The following TBCK variants were observed in gnomAD, a reference collection of about 807,000 sequenced individuals.
TBCK encodes the protein TBC1 domain containing kinase, also known as TBC domain-containing protein kinase-like protein.
Under a neutral mutation model 113.4 loss-of-function variants are expected in TBCK, and 99 were observed. The ratio of observed to expected loss-of-function variants is 0.87; its 90% CI spans 0.74 to 1.03. The LOEUF (loss-of-function observed/expected upper bound fraction) is 1.03. TBCK is among the 50% of genes least tolerant of loss of function. The pLI is 0.00. For synonymous variants in TBCK, 369 were observed against 370.8 expected, an observed-to-expected ratio of 1.00 and a Z score of 0.05; for missense variants, 1,045 against 1,061.3, an observed-to-expected ratio of 0.98 and a Z score of 0.21.
intron 23 of TBCK, among the ~76,000 whole-genome samples, chr4:106,166,721 T>C (rs1750412121): frequency 6.6e-6 from 1 of 151,764 alleles, no homozygotes; most frequent in Admixed American, 6.6e-5. Flanking sequence ...GTATGTCTTT[T>C]TGTTAGTGAC....
At chr4:106,062,710 T>C (rs1736186744) in intron 25 of TBCK, among the ~76,000 whole-genome samples, 1 of 151,800 alleles carries the variant, frequency 6.6e-6, no homozygotes, top group African/African-American at 2.4e-5. Flanking sequence ...AGGGTGGGTA[T>C]GTAGAATAAC....
intron 23 of TBCK, among the ~76,000 whole-genome samples, chr4:106,126,798 T>C (rs1467589282): frequency 6.6e-6 from 1 of 152,202 alleles, no homozygotes; most frequent in African/African-American, 2.4e-5. Flanking sequence ...TAAAGAACAC[T>C]AAAATGTATG....
At position 106,045,783 on chromosome 4, in the gene TBCK, T is replaced by G. The variant is rs1734166581; in HGVS notation, c.*787A>C. 6.6e-6 allele frequency: 1 copy of G among 152,216 alleles called. No homozygotes were observed. Among genetic ancestry groups the G allele is most frequent in the Non-Finnish European group, 1.5e-5 (1 of 68,056 alleles). 9.4% of individuals were successfully genotyped at this position (152,216 alleles called of 1,614,324 possible). A position where few individuals can be genotyped will look rare whatever the true frequency, so the allele number is the denominator to read the frequency against. ...TGATGGTAGAAGCTGAGGAGCCATT[T>G]TCATCCATGAGATGGATGCCACATA... On this transcript the variant is annotated 3_prime_UTR_variant, in exon 26 of 26. Coordinates refer to ENST00000394708, the MANE Select transcript of TBCK (RefSeq NM_001163435.3).
In TBCK at chr4:106,305,180, T is replaced by A. The variant is rs144522481; in HGVS notation, c.193+3588A>T. On this transcript the variant is annotated intron_variant, in intron 2 of 25. Coordinates refer to ENST00000394708, the MANE Select transcript of TBCK (RefSeq NM_001163435.3). ...TTTACATCTTCACCTTGATTATTTT[T>A]CTTTCATGTACTATATATAAAATAC... Among the ~76,000 whole-genome samples, 863 of 152,298 alleles carry A rather than the reference T, an allele frequency of 5.7e-3. 9 individuals carry two copies. Among genetic ancestry groups the A allele is most frequent in the African/African-American group, 0.02 (833 of 41,568 alleles).
chr4:106,268,070 T>C (rs1763148246), intron 3 of TBCK, among the ~76,000 whole-genome samples: 1 of 152,066 alleles, frequency 6.6e-6, no homozygotes, highest in Non-Finnish European at 1.5e-5. Context: ...TCCTCATTCC[T>C]GAGGACCCAC....
intron 25 of TBCK, among the ~76,000 whole-genome samples, chr4:106,065,701 T>C (rs865867553): frequency 2.0e-5 from 3 of 152,052 alleles, no homozygotes; most frequent in Admixed American, 1.3e-4. Flanking sequence ...TAATATAGCT[T>C]TGCTTACAGC....
At chr4:106,232,846 C>A in intron 17 of TBCK, 92 bp downstream of exon 17, 2 of 1,264,922 alleles carry the variant, frequency 1.6e-6, no homozygotes, top group South Asian at 1.6e-5. Context: ...TCCCCAAAGA[C>A]AAGGATGTTT....
At chr4:106,103,893 A>G (rs1426264363) in intron 24 of TBCK, among the ~76,000 whole-genome samples, 1 of 152,210 alleles carries the variant, frequency 6.6e-6, no homozygotes, top group African/African-American at 2.4e-5. Context: ...ACCTGGGAAT[A>G]ACATGGAACC....
intron 23 of TBCK, among the ~76,000 whole-genome samples, chr4:106,149,599 T>C (rs1319034773): frequency 6.6e-6 from 1 of 152,188 alleles, no homozygotes; most frequent in Non-Finnish European, 1.5e-5. Flanking sequence ...CCATTTTAAA[T>C]GGGCTCCGTT....
At chr4:106,305,902 C>T (rs1471655970) in intron 2 of TBCK, among the ~76,000 whole-genome samples, 3 of 152,086 alleles carry the variant, frequency 2.0e-5, no homozygotes, top group Non-Finnish European at 4.4e-5. Context: ...GAAAAGGGGA[C>T]GCATGAATAA....
At chr4:106,246,822 C>T (rs975041971) in intron 10 of TBCK, among the ~76,000 whole-genome samples, 19 of 151,934 alleles carry the variant, frequency 1.3e-4, no homozygotes, top group Admixed American at 3.3e-4. Flanking sequence ...TATATTTGTG[C>T]GTGTGTGCAT....
At chr4:106,086,374 T>G (rs1739520628) in intron 25 of TBCK, among the ~76,000 whole-genome samples, 1 of 152,066 alleles carries the variant, frequency 6.6e-6, no homozygotes, top group African/African-American at 2.4e-5. Flanking sequence ...CTACCAAGAC[T>G]AAACCAGGAA....
At chr4:106,159,614 TGAAA>T (rs1749526957) in intron 23 of TBCK, among the ~76,000 whole-genome samples, 1 of 151,980 alleles carries the variant, frequency 6.6e-6, no homozygotes, top group South Asian at 2.1e-4. Flanking sequence ...AAAAGAATGC[TGAAA>T]GAAATTTAGA....
rs59016833 is a variant in TBCK at position 106,211,501 on chromosome 4, T to A, written c.1860+1249A>T. ...CACATGTAGGAGGCAGAAAACATTG[T>A]TTTGTAAAACTTATTTTAGTTGTAT... On this transcript the variant is annotated intron_variant, in intron 20 of 25. Coordinates refer to ENST00000394708, the MANE Select transcript of TBCK (RefSeq NM_001163435.3). 2.6e-3 allele frequency among the ~76,000 whole-genome samples: 392 copies of A among 152,262 alleles called. 4 individuals carry two copies. The highest frequency in any genetic ancestry group is 9.0e-3 in the African/African-American group (375 of 41,564).
chr4:106,257,684 C>T (rs1469319155), intron 5 of TBCK, among the ~76,000 whole-genome samples: 2 of 151,976 alleles, frequency 1.3e-5, no homozygotes, highest in Non-Finnish European at 2.9e-5. Context: ...TGTGATATCT[C>T]TAGAAACAGC....
chr4:106,123,111 G>A (rs1376487760), intron 23 of TBCK, among the ~76,000 whole-genome samples: 1 of 152,168 alleles, frequency 6.6e-6, no homozygotes, highest in Admixed American at 6.5e-5. Flanking sequence ...TGACATGAGT[G>A]TATATCTAGA....
intron 19 of TBCK, among the ~76,000 whole-genome samples, chr4:106,215,097 T>C (rs1383958464): frequency 2.0e-5 from 3 of 150,976 alleles, no homozygotes; most frequent in Admixed American, 6.6e-5. Context: ...AACCTAGAAT[T>C]TCATATCCAG....
rs764821109 is a variant in TBCK, at chr4:106,046,690, A to T, written c.2572-10T>A. 2.0e-6 allele frequency: 3 copies of T among 1,508,574 alleles called. No homozygotes were observed. Among genetic ancestry groups the T allele is most frequent in the Admixed American group, 1.7e-5 (1 of 58,570 alleles). 93.4% of individuals were successfully genotyped at this position (1,508,574 alleles called of 1,614,324 possible). Reference sequence around the variant, plus strand: ...CAAGGTGAGCTGCAAACTGGAAAAAAAAAGAGGCAAAATTTTTAGAGGATA... The same window carrying T: ...CAAGGTGAGCTGCAAACTGGAAAAATAAAGAGGCAAAATTTTTAGAGGATA... On this transcript the variant is annotated splice_polypyrimidine_tract_variant and intron_variant, in intron 25 of 25. Coordinates refer to ENST00000394708, the MANE Select transcript of TBCK (RefSeq NM_001163435.3).
chr4:106,297,397 C>A (rs1766423385), intron 2 of TBCK, among the ~76,000 whole-genome samples: 1 of 152,192 alleles, frequency 6.6e-6, no homozygotes, highest in South Asian at 2.1e-4. Flanking sequence ...CTCCCCTTCT[C>A]AAATCCAAAT....
Sources: allele counts gnomAD v4.1 joint callset (sites outside exome capture counted in the v4.1 genomes callset), GRCh38; gene constraint gnomAD v4.1.1; transcripts MANE v1.5; gene names NCBI Gene and HGNC (gene_info 2026-07-23, HGNC 2026-07-21).